C16orf87: variants seen among roughly 807,000 people sequenced by gnomAD.
The protein encoded by C16orf87 is HDAC and MIER1 interacting protein 1, also known as UPF0547 protein C16orf87.
Under a neutral mutation model 21.0 loss-of-function variants are expected in C16orf87, and 13 were observed. The observed-to-expected ratio is 0.62, with a 90% CI of 0.40 to 0.98. The LOEUF (loss-of-function observed/expected upper bound fraction) is 0.98. C16orf87 is among the 50% of genes least tolerant of loss of function. The pLI, the probability that C16orf87 is intolerant of heterozygous loss-of-function variation, is 0.00. For missense variants in C16orf87, 113 were observed against 180.4 expected, an observed-to-expected ratio of 0.63 and a Z score of 2.14; for synonymous variants, 49 against 60.2, an observed-to-expected ratio of 0.81 and a Z score of 0.86.
chr16:46,818,626 A>C (rs1302196644), intron 2 of C16orf87, among the ~76,000 whole-genome samples: 2 of 151,996 alleles, frequency 1.3e-5, no homozygotes. Context: ...TTAAATTCTA[A>C]ATTTTATGAA....
intron 2 of C16orf87, among the ~76,000 whole-genome samples, chr16:46,815,802 G>A (rs565989185): frequency 1.1e-4 from 17 of 152,268 alleles, no homozygotes; most frequent in African/African-American, 3.4e-4. Context: ...TACACTGCTG[G>A]TAGAAATGTA....
At chr16:46,830,258 G>GAGAT (rs1306914529) in intron 1 of C16orf87, among the ~76,000 whole-genome samples, 27 of 134,390 alleles carry the variant, frequency 2.0e-4, no homozygotes, top group African/African-American at 7.3e-4. Context: ...GAGAGATAGA[G>GAGAT]AGAGACAGAC....
intron 2 of C16orf87, among the ~76,000 whole-genome samples, chr16:46,816,573 T>A (rs895095338): frequency 3.3e-5 from 5 of 152,016 alleles, no homozygotes; most frequent in Non-Finnish European, 7.4e-5. Flanking sequence ...AAAAAGAGAA[T>A]GTGACAGAAA....
chr16:46,820,918 C>T (rs559126458), intron 2 of C16orf87, among the ~76,000 whole-genome samples: 3 of 152,248 alleles, frequency 2.0e-5, no homozygotes, highest in Non-Finnish European at 4.4e-5. Flanking sequence ...TTGTTTCAAC[C>T]GCATTTCCCT....
At chr16:46,818,998 T>G (rs1318948354) in intron 2 of C16orf87, among the ~76,000 whole-genome samples, 2 of 152,246 alleles carry the variant, frequency 1.3e-5, no homozygotes, top group African/African-American at 4.8e-5. Flanking sequence ...GTAAATGACT[T>G]TGTAACCTTA....
At chr16:46,807,014 T>C (rs886931867) in intron 3 of C16orf87, among the ~76,000 whole-genome samples, 11 of 152,264 alleles carry the variant, frequency 7.2e-5, no homozygotes, top group African/African-American at 2.4e-4. Flanking sequence ...CCAAGAAATC[T>C]ATCCTAAAAC....
Position 46,806,859 on chromosome 16 carries a change from A to G in C16orf87, c.346+2744T>C, listed in dbSNP as rs141739021. 1.3e-3 allele frequency among the ~76,000 whole-genome samples: 193 copies of G among 152,248 alleles called. 1 individual carries two copies. The highest frequency in any genetic ancestry group is 2.2e-3 in the Admixed American group (33 of 15,304). ...GACTAGATAGAAAAGTCCATTTTTAAGTTAGGTTTTTTAGACACATTGTCA... is the reference window on the plus strand; with the variant it reads ...GACTAGATAGAAAAGTCCATTTTTAGGTTAGGTTTTTTAGACACATTGTCA... On this transcript the variant is annotated intron_variant, in intron 3 of 3. Transcript: ENST00000285697.
At chr16:46,820,097 G>A (rs988505154) in intron 2 of C16orf87, among the ~76,000 whole-genome samples, 2 of 152,038 alleles carry the variant, frequency 1.3e-5, no homozygotes, top group African/African-American at 4.8e-5. Context: ...TGCATGTTAC[G>A]AAGGTATAAA....
intron 1 of C16orf87, among the ~76,000 whole-genome samples, chr16:46,824,945 T>G (rs1959558641): frequency 6.6e-6 from 1 of 152,126 alleles, no homozygotes; most frequent in Non-Finnish European, 1.5e-5. Context: ...ATAACAGAAG[T>G]GAGCCACCAC....
At chr16:46,810,236 G>T (rs1968042816) in intron 2 of C16orf87, among the ~76,000 whole-genome samples, 1 of 152,056 alleles carries the variant, frequency 6.6e-6, no homozygotes, top group African/African-American at 2.4e-5. Context: ...ACGTATTAAG[G>T]TTACAATAAA....
chr16:46,811,159 A>G (rs896555572), intron 2 of C16orf87, among the ~76,000 whole-genome samples: 1 of 152,206 alleles, frequency 6.6e-6, no homozygotes, highest in Non-Finnish European at 1.5e-5. Flanking sequence ...TCAACCTGCA[A>G]TGAACTAAAG....
chr16:46,815,415 T>G (rs1968212784), intron 2 of C16orf87, among the ~76,000 whole-genome samples: 1 of 150,812 alleles, frequency 6.6e-6, no homozygotes, highest in Non-Finnish European at 1.5e-5. Context: ...TCATCAAAAT[T>G]AAACTTCTGT....
At chr16:46,820,181 ATTC>A (rs1959359154) in intron 2 of C16orf87, among the ~76,000 whole-genome samples, 2 of 152,232 alleles carry the variant, frequency 1.3e-5, no homozygotes, top group East Asian at 1.9e-4. Flanking sequence ...AGCCTAACAG[ATTC>A]TTTTCTTCCT....
rs1298743308 is a variant in C16orf87 at position 46,827,900 on chromosome 16, A to G, written c.66+3184T>C. Among the ~76,000 whole-genome samples, 4 of 140,568 alleles carry G rather than the reference A, an allele frequency of 2.8e-5. No homozygotes were observed. The South Asian group carries it at 6.8e-4, about 24-fold the overall frequency. The allele number at this position is 140,568 out of a possible 152,430, so 92.2% of individuals were successfully genotyped here. A position where few individuals can be genotyped will look rare whatever the true frequency, so the allele number is the denominator to read the frequency against. Reference sequence around the variant, plus strand: ...GCCCAGCCTGGATTTTTTAAATCTGAAAAAAAAAAAAATCTGGTCCTATAG... The same window carrying G: ...GCCCAGCCTGGATTTTTTAAATCTGGAAAAAAAAAAAATCTGGTCCTATAG... On this transcript the variant is annotated intron_variant, in intron 1 of 3. Transcript: ENST00000285697.
intron 2 of C16orf87, among the ~76,000 whole-genome samples, chr16:46,819,684 AC>A (rs1447200872): frequency 6.6e-6 from 1 of 151,512 alleles, no homozygotes; most frequent in African/African-American, 2.4e-5. Flanking sequence ...ACTTTAAAAA[AC>A]TCAATTCCAC....
At chr16:46,824,525 A>G (rs756782947) in intron 1 of C16orf87, 43 bp from the exon 2 acceptor site, 4 of 845,618 alleles carry the variant, frequency 4.7e-6, no homozygotes, top group Non-Finnish European at 5.5e-6. Context: ...CTATTTTTCT[A>G]TTGTTAAATT....
At chr16:46,819,570 A>G (rs1245546378) in intron 2 of C16orf87, among the ~76,000 whole-genome samples, 3 of 151,718 alleles carry the variant, frequency 2.0e-5, no homozygotes, top group Admixed American at 1.3e-4. Context: ...TCAGTCTCCT[A>G]AAGTGCTGGG....
intron 3 of C16orf87, among the ~76,000 whole-genome samples, 165 bp from the exon 4 acceptor site, chr16:46,803,235 C>T (rs1967828951): frequency 6.6e-6 from 1 of 152,030 alleles, no homozygotes; most frequent in Non-Finnish European, 1.5e-5. Flanking sequence ...TTAAATTATA[C>T]AAAGGAGTTA....
rs1967812562 is a variant in C16orf87, at chr16:46,802,739, T to A, written c.*213A>T. ...TACTTATATCCCAAACACAAAACAC[T>A]GACAATACTCCTTGGTAAACAAGGA... On this transcript the variant is annotated 3_prime_UTR_variant, in exon 4 of 4. Coordinates refer to ENST00000285697, the MANE Select transcript of C16orf87 (RefSeq NM_001001436.4). 2.6e-6 allele frequency: 1 copy of A among 389,530 alleles called. No homozygotes were observed. Among genetic ancestry groups the A allele is most frequent in the Non-Finnish European group, 4.6e-6 (1 of 216,976 alleles). The allele number at this position is 389,530 out of a possible 1,614,324, so 24.1% of individuals were successfully genotyped here. A position where few individuals can be genotyped will look rare whatever the true frequency, so the allele number is the denominator to read the frequency against.
Sources: gnomAD v4.1 joint callset for allele counts (sites outside exome capture counted in the v4.1 genomes callset) on GRCh38, gnomAD v4.1.1 for gene constraint, MANE v1.5 for transcripts, NCBI Gene and HGNC (gene_info 2026-07-23, HGNC 2026-07-21) for gene names.